TBXAS1: variants seen among roughly 807,000 people sequenced by gnomAD.
TBXAS1 encodes the protein thromboxane-A synthase.
Under a neutral mutation model 60.7 loss-of-function variants are expected in TBXAS1, and 48 were observed. The observed-to-expected ratio is 0.79, with a 90% CI of 0.63 to 1.01. TBXAS1 has a LOEUF of 1.01. Among genes scored for constraint, TBXAS1 ranks in the 50% least tolerant of loss-of-function variants. The probability of loss-of-function intolerance (pLI) is 0.00; values close to 1 mark genes in which losing one functional copy is unlikely to be tolerated. For synonymous variants in TBXAS1, 287 were observed against 269.7 expected, an observed-to-expected ratio of 1.06 and a Z score of -0.63; for missense variants, 685 against 686.3, an observed-to-expected ratio of 1.00 and a Z score of 0.02.
At position 139,852,095 on chromosome 7, in the gene TBXAS1, C is replaced by G. The variant is rs564332449; in HGVS notation, c.90-20140C>G. Among the ~76,000 whole-genome samples the G allele has an allele frequency of 1.3e-5, 2 of 152,348 alleles. No homozygotes were observed. The highest frequency in any genetic ancestry group is 3.9e-4 in the East Asian group (2 of 5,188). ...ATAAGCAAGCATGGACACCATTCTC[C>G]AGCTTGACCCTGAACCCAAAGCACC... On this transcript the variant is annotated intron_variant, in intron 1 of 12. Coordinates refer to ENST00000448866, the MANE Select transcript of TBXAS1 (RefSeq NM_001061.7). This position sits in a 1 kb window ranked among gnomAD's most constrained non-coding sequence, Gnocchi z 4.4.
intron 4 of TBXAS1, among the ~76,000 whole-genome samples, chr7:139,821,473 T>C (rs1266034052): frequency 1.3e-5 from 2 of 152,214 alleles, no homozygotes; most frequent in Admixed American, 6.5e-5. Flanking sequence ...GTATAAAATA[T>C]GGTCCCTGCC....
intron 3 of TBXAS1, among the ~76,000 whole-genome samples, chr7:139,900,910 C>A (rs1804513808): frequency 6.6e-6 from 1 of 152,172 alleles, no homozygotes; most frequent in South Asian, 2.1e-4. Context: ...ACCCCTTGGA[C>A]CAGTCACTGT....
At position 139,778,526 on chromosome 7, in the gene TBXAS1, G is replaced by C. The variant is rs575665010; in HGVS notation, c.-318+55G>C. ...GGGCGCGCGCCGTGCTCCGGAGGAG[G>C]GCGGGTGAGTGGAGGAGCTTCGGAA... On this transcript the variant is annotated intron_variant, in intron 1 of 16. Coordinates refer to the TBXAS1 transcript ENST00000336425. The surrounding 1 kb of genome is among the most constrained non-coding windows in gnomAD (Gnocchi z 4.8). The C allele has an allele frequency of 5.5e-3, 837 of 152,546 alleles. 10 individuals are homozygous for C. The highest frequency in any genetic ancestry group is 0.019 in the African/African-American group (808 of 41,548). 9.4% of individuals were successfully genotyped at this position (152,546 alleles called of 1,614,324 possible).
chr7:139,889,630 C>G (rs1803398591), intron 3 of TBXAS1, among the ~76,000 whole-genome samples: 1 of 152,120 alleles, frequency 6.6e-6, no homozygotes. Flanking sequence ...ATCAAGGAAC[C>G]AACAGATTCA....
At chr7:139,912,129 C>T (rs1480571054) in intron 4 of TBXAS1, among the ~76,000 whole-genome samples, 1 of 152,106 alleles carries the variant, frequency 6.6e-6, no homozygotes, top group Non-Finnish European at 1.5e-5. Context: ...ACTTGGGAGG[C>T]TGAGACATGA....
At chr7:139,952,582 A>G (rs1250344265) in intron 5 of TBXAS1, 1 of 1,537,192 alleles carries the variant, frequency 6.5e-7, no homozygotes, top group Non-Finnish European at 8.7e-7. Context: ...GAGAGAATAA[A>G]AGGTCACATG....
chr7:139,954,417 A>G (rs1809673838), intron 6 of TBXAS1, among the ~76,000 whole-genome samples: 1 of 152,250 alleles, frequency 6.6e-6, no homozygotes, highest in South Asian at 2.1e-4. Flanking sequence ...ATGAAATCAC[A>G]TTCAGTAGTC....
intron 2 of TBXAS1, among the ~76,000 whole-genome samples, chr7:139,873,108 A>C (rs1801946115): frequency 6.6e-6 from 1 of 152,210 alleles, no homozygotes; most frequent in Admixed American, 6.5e-5. Context: ...CTGAAGAAGG[A>C]GGTCCTTCAG....
intron 10 of TBXAS1, among the ~76,000 whole-genome samples, chr7:140,010,747 C>T (rs1378341410): frequency 1.3e-5 from 2 of 152,262 alleles, no homozygotes; most frequent in East Asian, 1.9e-4. Flanking sequence ...CTGTCTGTTA[C>T]ATGAAAGGCT....
At chr7:139,836,315 A>T (rs141614754) in intron 1 of TBXAS1, among the ~76,000 whole-genome samples, 1 of 152,144 alleles carries the variant, frequency 6.6e-6, no homozygotes, top group Non-Finnish European at 1.5e-5. Context: ...TAGAAAAAAC[A>T]ATTCTAAAAT....
At chr7:139,998,138 A>T (rs1397159558) in intron 9 of TBXAS1, among the ~76,000 whole-genome samples, 1 of 152,246 alleles carries the variant, frequency 6.6e-6, no homozygotes, top group Non-Finnish European at 1.5e-5. Context: ...GAAATATTTC[A>T]TTTATAGGAA....
chr7:139,843,043 C>T (rs1323036790), intron 1 of TBXAS1, among the ~76,000 whole-genome samples: 2 of 152,200 alleles, frequency 1.3e-5, no homozygotes, highest in Non-Finnish European at 2.9e-5. Context: ...CCAGCAGCTG[C>T]CTCCACATTC....
chr7:139,824,684 T>C (rs1306656593), upstream of TBXAS1, among the ~76,000 whole-genome samples: 1 of 152,148 alleles, frequency 6.6e-6, no homozygotes, highest in East Asian at 1.9e-4. Context: ...AAAATATACA[T>C]ATGCCTGTGC....
chr7:139,800,500 C>T (rs1797692163), intron 4 of TBXAS1, among the ~76,000 whole-genome samples: 1 of 152,098 alleles, frequency 6.6e-6, no homozygotes, highest in Non-Finnish European at 1.5e-5. Flanking sequence ...AGTGTCATTC[C>T]CACTTCCCGC....
chr7:139,794,566 AG>A lies in TBXAS1; in HGVS notation c.-80+7142del, dbSNP rs536142719. On this transcript the variant is annotated intron_variant, in intron 4 of 16. Coordinates refer to the TBXAS1 transcript ENST00000336425. ...TTTAAGGTACATGTGCACATTGTGC[AG>A]GTTAGTTACATATGTATACATGTGC... is the stretch of plus-strand genomic sequence containing the variant. Among the ~76,000 whole-genome samples, 885 of 150,982 alleles carry A rather than the reference AG, an allele frequency of 5.9e-3. 4 individuals are homozygous for A. Among genetic ancestry groups the A allele is most frequent in the Non-Finnish European group, 9.7e-3 (659 of 67,840 alleles).
chr7:139,962,015 TCTACTGGGTGCAAGCCGAACCCTTCCC>T lies in TBXAS1; in HGVS notation c.917_943del (p.Ser306_Arg315delinsTrp). 6.2e-7 allele frequency: 1 copy of T among 1,614,228 alleles called. No homozygotes were observed. Among genetic ancestry groups the T allele is most frequent in the Non-Finnish European group, 8.5e-7 (1 of 1,180,046 alleles). ...TGACATCGTCAGAGACGTTTTCTCC[TCTACTGGGTGCAAGCCGAACCCTTCCC>T]GGCAACACCAGCCCAGCCCTATGGC... On this transcript the variant is annotated inframe_deletion, in exon 9 of 13. Coordinates refer to ENST00000448866, the MANE Select transcript of TBXAS1 (RefSeq NM_001061.7).
intron 9 of TBXAS1, among the ~76,000 whole-genome samples, chr7:139,978,465 G>A (rs1433980919): frequency 6.6e-6 from 1 of 151,156 alleles, no homozygotes; most frequent in Non-Finnish European, 1.5e-5. Context: ...CGCTGAGATT[G>A]CACCACTGCA....
chr7:139,978,159 G>A (rs1430080404), intron 9 of TBXAS1, among the ~76,000 whole-genome samples: 1 of 152,148 alleles, frequency 6.6e-6, no homozygotes, highest in African/African-American at 2.4e-5. Flanking sequence ...TTCTCAAGCA[G>A]TGATCCTGTG....
intron 8 of TBXAS1, among the ~76,000 whole-genome samples, chr7:139,958,979 G>A (rs1810105331): frequency 6.6e-6 from 1 of 150,718 alleles, no homozygotes; most frequent in Non-Finnish European, 1.5e-5. Context: ...CCTCAACATT[G>A]CTACTAAGGG....
Sources: gnomAD v4.1 joint callset for allele counts (sites outside exome capture counted in the v4.1 genomes callset) on GRCh38, gnomAD v4.1.1 for gene constraint, Gnocchi (gnomAD v3.1) non-coding constraint, MANE v1.5 for transcripts, NCBI Gene and HGNC (gene_info 2026-07-23, HGNC 2026-07-21) for gene names.